Variants in ADD1 observed in about 807,000 individuals in gnomAD.
ADD1 encodes the protein alpha-adducin.
A neutral mutation model predicts 80.5 loss-of-function variants in ADD1; 24 were observed. The ratio of observed to expected loss-of-function variants is 0.30; its 90% CI spans 0.22 to 0.42. The LOEUF (loss-of-function observed/expected upper bound fraction) is 0.42, where lower values mean the gene tolerates loss of function less well. Ranked by LOEUF, ADD1 falls within the 10% of genes least tolerant of loss-of-function variation. ADD1 has a pLI of 1.00. For synonymous variants in ADD1, 373 were observed against 393.8 expected, an observed-to-expected ratio of 0.95 and a Z score of 0.63; for missense variants, 948 against 1,019.0, an observed-to-expected ratio of 0.93 and a Z score of 0.95.
At chr4:2,864,762 G>C (rs1234574420) in intron 1 of ADD1, among the ~76,000 whole-genome samples, 1 of 151,690 alleles carries the variant, frequency 6.6e-6, no homozygotes, top group East Asian at 1.9e-4. Flanking sequence ...AGCAGGGAAG[G>C]GGGGCTTATT....
intron 4 of ADD1, among the ~76,000 whole-genome samples, chr4:2,893,775 C>T (rs929639980): frequency 3.3e-5 from 5 of 151,990 alleles, no homozygotes; most frequent in Non-Finnish European, 5.9e-5. Flanking sequence ...TGTTTTTTCC[C>T]TCTATAAAGT....
chr4:2,877,645 T>C (rs1444721205), intron 2 of ADD1, among the ~76,000 whole-genome samples: 3 of 152,020 alleles, frequency 2.0e-5, no homozygotes, highest in African/African-American at 7.2e-5. Context: ...TAATCTGAAC[T>C]CAATGACAGG....
In ADD1 at chr4:2,909,381, G is replaced by A. The variant is rs1737616517; in HGVS notation, c.1741G>A (p.Glu581Lys). ...CTGTACGGAAACTATCGAAGGGCTCGAGCTTACAGAGCAGACCTTTAGTCC... is the reference window on the plus strand; with the variant it reads ...CTGTACGGAAACTATCGAAGGGCTCAAGCTTACAGAGCAGACCTTTAGTCC... ...SDCTETIEGL[E>K]LTEQTFSPAK... The change falls in exon 13 of 16, where the codon GAG becomes AAG. Residue 581 changes from glutamate (E) to lysine (K), a missense_variant. By Grantham distance (56) the Glu-to-Lys change is moderately conservative. Coordinates refer to ENST00000683351, the MANE Select transcript of ADD1 (RefSeq NM_001354761.2). 2.6e-6 allele frequency: 4 copies of A among 1,550,450 alleles called. No individual in the cohort carries two copies. The highest frequency in any genetic ancestry group is 2.4e-5 in the East Asian group (1 of 40,912).
chr4:2,872,932 A>G (rs917949355), intron 1 of ADD1, among the ~76,000 whole-genome samples: 1 of 151,930 alleles, frequency 6.6e-6, no homozygotes, highest in African/African-American at 2.4e-5. Context: ...AAAATGTTCC[A>G]GAAGTTAGTT....
chr4:2,870,971 C>CTTTTTTTTTT (rs34690642), intron 1 of ADD1, among the ~76,000 whole-genome samples: 1 of 139,730 alleles, frequency 7.2e-6, no homozygotes. Context: ...CATTTTCTTT[C>CTTTTTTTTTT]TTTTTTTTTT....
At chr4:2,880,566 C>T (rs944560477) in intron 2 of ADD1, among the ~76,000 whole-genome samples, 2 of 149,450 alleles carry the variant, frequency 1.3e-5, no homozygotes, top group Non-Finnish European at 1.5e-5. Context: ...AGCTCCGCCT[C>T]CCGGGTTCAC....
intron 4 of ADD1, among the ~76,000 whole-genome samples, chr4:2,888,676 C>T (rs1020889700): frequency 8.6e-5 from 13 of 152,010 alleles, no homozygotes; most frequent in African/African-American, 3.1e-4. Context: ...CCTCAGCCTC[C>T]CAAAGTGCTA....
chr4:2,858,669 T>C (rs1034701826), intron 1 of ADD1, among the ~76,000 whole-genome samples: 8 of 152,228 alleles, frequency 5.3e-5, no homozygotes, highest in Admixed American at 2.0e-4. Context: ...GGCTTATCTT[T>C]AGTTGCTTCA....
intron 7 of ADD1, 22 bp downstream of exon 7, chr4:2,898,349 T>A (rs746781628): frequency 1.2e-6 from 2 of 1,614,174 alleles, no homozygotes; most frequent in East Asian, 2.2e-5. Context: ...TCTAATCTGG[T>A]ATTTAAATTA....
At chr4:2,847,592 G>A (rs927226158) in intron 1 of ADD1, among the ~76,000 whole-genome samples, 2 of 152,126 alleles carry the variant, frequency 1.3e-5, no homozygotes, top group African/African-American at 4.8e-5. Context: ...GACAGGTCTC[G>A]GTTAACTTAG....
At chr4:2,876,563 G>A (rs1171243922) in intron 2 of ADD1, among the ~76,000 whole-genome samples, 1 of 151,966 alleles carries the variant, frequency 6.6e-6, no homozygotes, top group African/African-American at 2.4e-5. Flanking sequence ...TTGGCCAGGC[G>A]CGGTGGCTCA....
Position 2,914,981 on chromosome 4 carries a change from C to G in ADD1, c.1889C>G (p.Thr630Arg). 6.2e-7 allele frequency: 1 copy of G among 1,614,160 alleles called. No homozygotes were observed. The highest frequency in any genetic ancestry group is 8.5e-7 in the Non-Finnish European group (1 of 1,180,002). ...TTGPNPFTTL[T>R]DRELEEYRRE... ...GGCCCCAACCCCTTCACCACACTCA[C>G]AGACCGTGAGCTGGAGGAGTACCGC... Residue 630 changes from threonine (T) to arginine (R), a missense_variant, in exon 14 of 16, where the codon ACA becomes AGA. Thr to Arg is a moderately conservative substitution (Grantham distance 71, BLOSUM62 -1). Coordinates refer to ENST00000683351, the MANE Select transcript of ADD1 (RefSeq NM_001354761.2).
chr4:2,919,469 G>A (rs1446920074), intron 14 of ADD1, among the ~76,000 whole-genome samples: 1 of 152,052 alleles, frequency 6.6e-6, no homozygotes, highest in Non-Finnish European at 1.5e-5. Context: ...CTGGTCCTGG[G>A]CTTTTTTTGG....
intron 1 of ADD1, among the ~76,000 whole-genome samples, chr4:2,862,078 G>T (rs1413844841): frequency 1.3e-5 from 2 of 152,064 alleles, no homozygotes; most frequent in African/African-American, 2.4e-5. Flanking sequence ...GCAGCTCAGG[G>T]TACTGGGGCA....
intron 4 of ADD1, among the ~76,000 whole-genome samples, chr4:2,888,832 C>G (rs1577579159): frequency 6.6e-6 from 1 of 151,722 alleles, no homozygotes; most frequent in East Asian, 1.9e-4. Context: ...TTACAAAGAT[C>G]ATGTAGAACA....
At chr4:2,874,708 A>C (rs1488720312) in intron 1 of ADD1, among the ~76,000 whole-genome samples, 6 of 152,156 alleles carry the variant, frequency 3.9e-5, no homozygotes, top group South Asian at 2.1e-4. Context: ...TTAAAAAAAA[A>C]CACTAATTTC....
chr4:2,883,702 TG>T (rs1340943886), intron 3 of ADD1, among the ~76,000 whole-genome samples: 3 of 151,996 alleles, frequency 2.0e-5, no homozygotes, highest in Non-Finnish European at 4.4e-5. Flanking sequence ...GATGGAGTCT[TG>T]CTCTGTCGCC....
rs745554222 is a variant in ADD1 at position 2,905,036 on chromosome 4, C to T, written c.1434C>T (p.His478=). The T allele has an allele frequency of 1.1e-5, 17 of 1,614,204 alleles. No individual in the cohort carries two copies. The highest frequency in any genetic ancestry group is 1.7e-5 in the Admixed American group (1 of 60,020). ...CTAAGGTGTGGACGAACATTACACA[C>T]GATCACGTGAAACCCTTGCTGCAGT... is the stretch of plus-strand genomic sequence containing the variant. ...SKTKVWTNIT[H]DHVKPLLQSL... The change falls in exon 10 of 16, where the codon CAC becomes CAT. Residue 478 remains histidine (H), a synonymous_variant. Coordinates refer to ENST00000683351, the MANE Select transcript of ADD1 (RefSeq NM_001354761.2).
intron 9 of ADD1, 152 bp from the exon 10 acceptor site, chr4:2,904,612 C>T: frequency 1.4e-6 from 1 of 701,348 alleles, no homozygotes; most frequent in Non-Finnish European, 2.4e-6. Context: ...AACACATTTG[C>T]TTCTGTGGGG....
Sources: allele counts gnomAD v4.1 joint callset (sites outside exome capture counted in the v4.1 genomes callset), GRCh38; gene constraint gnomAD v4.1.1; transcripts MANE v1.5; gene names NCBI Gene and HGNC (gene_info 2026-07-23, HGNC 2026-07-21).